Variants in CSMD1 observed in about 807,000 individuals in gnomAD.
CSMD1 encodes CUB and sushi domain-containing protein 1.
In CSMD1, 213 loss-of-function variants were observed where a neutral mutation model predicts 417.5. The observed-to-expected ratio is 0.51, with a 90% CI of 0.46 to 0.57. CSMD1 has a LOEUF of 0.57. CSMD1 is among the 20% of genes least tolerant of loss of function. The pLI, the probability that CSMD1 is intolerant of heterozygous loss-of-function variation, is 0.00. For synonymous variants in CSMD1, 2,862 were observed against 1,736.8 expected, an observed-to-expected ratio of 1.65 and a Z score of -16.11; for missense variants, 6,923 against 4,529.7, an observed-to-expected ratio of 1.53 and a Z score of -15.17.
At chr8:3,818,969 C>G (rs183999781) in intron 5 of CSMD1, among the ~76,000 whole-genome samples, 2 of 152,316 alleles carry the variant, frequency 1.3e-5, no homozygotes, top group Non-Finnish European at 1.5e-5. Context: ...AGTTGACAAA[C>G]TTCAAAAGAG....
At chr8:3,316,666 A>C (rs1225997697) in intron 23 of CSMD1, among the ~76,000 whole-genome samples, 2 of 152,096 alleles carry the variant, frequency 1.3e-5, no homozygotes, top group Non-Finnish European at 2.9e-5. Context: ...GTATATGCTG[A>C]TGCTTCCTTT....
chr8:3,477,191 A>C (rs1255238067), intron 11 of CSMD1, among the ~76,000 whole-genome samples: 1 of 152,156 alleles, frequency 6.6e-6, no homozygotes, highest in African/African-American at 2.4e-5. Context: ...ACACTAATAA[A>C]ATGTAGCACC....
intron 5 of CSMD1, among the ~76,000 whole-genome samples, chr8:3,976,116 AC>A (rs1220536093): frequency 6.6e-6 from 1 of 152,128 alleles, no homozygotes; most frequent in African/African-American, 2.4e-5. Flanking sequence ...TAGAGAAAAT[AC>A]ATTACCTATA....
At chr8:3,356,976 C>T (rs1352966620) in intron 21 of CSMD1, among the ~76,000 whole-genome samples, 5 of 152,044 alleles carry the variant, frequency 3.3e-5, no homozygotes, top group Admixed American at 6.6e-5. Context: ...AGCTGCGGCC[C>T]CTGGGGTTGG....
chr8:3,424,059 A>T (rs1389489036), intron 12 of CSMD1, among the ~76,000 whole-genome samples: 1 of 152,188 alleles, frequency 6.6e-6, no homozygotes, highest in Non-Finnish European at 1.5e-5. Context: ...CCTTTTAAAA[A>T]TTATTTGTTT....
Position 2,955,645 on chromosome 8 carries a change from T to G in CSMD1, c.9938A>C (p.Glu3313Ala), listed in dbSNP as rs1379948595. The G allele has an allele frequency of 6.2e-7, 1 of 1,613,938 alleles. No homozygotes were observed. The highest frequency in any genetic ancestry group is 2.2e-5 in the East Asian group (1 of 44,878). Residue 3313 changes from glutamate (E) to alanine (A), a missense_variant, in exon 64 of 70, where the codon GAG becomes GCG. By Grantham distance (107) the Glu-to-Ala change is moderately radical. Coordinates refer to ENST00000635120, the MANE Select transcript of CSMD1 (RefSeq NM_033225.6). ...CATGTCTGCTTTACATGTTCTGTGC[T>G]CAGATCCCCCTGCGAGGAAAAAGCC... ...HPGFFLAGGS[E>A]HRTCKADMKW...
chr8:3,039,037 C>A (rs1810891094), intron 50 of CSMD1, among the ~76,000 whole-genome samples: 2 of 152,134 alleles, frequency 1.3e-5, no homozygotes, highest in South Asian at 4.1e-4. Flanking sequence ...TGGATCTTCG[C>A]AGAAGAGATC....
chr8:3,690,252 G>T (rs961052420), intron 7 of CSMD1, among the ~76,000 whole-genome samples: 1 of 152,136 alleles, frequency 6.6e-6, no homozygotes, highest in Non-Finnish European at 1.5e-5. Context: ...CCAGCTACTT[G>T]GGAGGAGGCT....
intron 10 of CSMD1, among the ~76,000 whole-genome samples, chr8:3,567,208 C>G (rs1799750870): frequency 6.6e-6 from 1 of 151,952 alleles, no homozygotes; most frequent in African/African-American, 2.4e-5. Flanking sequence ...TCTAGGTGGG[C>G]ACCAAATGGT....
intron 1 of CSMD1, among the ~76,000 whole-genome samples, chr8:4,767,129 C>T (rs538583724): frequency 1.1e-4 from 17 of 152,190 alleles, no homozygotes; most frequent in East Asian, 7.8e-4. Context: ...TTCGACAAAG[C>T]GATGCAGTGG....
intron 1 of CSMD1, among the ~76,000 whole-genome samples, chr8:4,717,799 T>C (rs1431856846): frequency 1.3e-5 from 2 of 152,152 alleles, no homozygotes. Flanking sequence ...AGGTAGACTA[T>C]CTGACCCTTT....
intron 5 of CSMD1, among the ~76,000 whole-genome samples, chr8:3,769,130 G>C (rs1015004566): frequency 6.6e-6 from 1 of 152,184 alleles, no homozygotes; most frequent in African/African-American, 2.4e-5. Context: ...TTACTATACA[G>C]TTAAATTGAT....
chr8:4,637,508 G>A lies in CSMD1; in HGVS notation c.136C>T (p.Pro46Ser). 6.2e-7 allele frequency: 1 copy of A among 1,613,804 alleles called. No homozygotes were observed. Among genetic ancestry groups the A allele is most frequent in the Non-Finnish European group, 8.5e-7 (1 of 1,179,858 alleles). Residue 46 changes from proline (P) to serine (S), a missense_variant, in exon 2 of 70, where the codon CCA (proline) becomes TCA (serine). Pro to Ser is a moderately conservative substitution (Grantham distance 74). Coordinates refer to ENST00000635120, the MANE Select transcript of CSMD1 (RefSeq NM_033225.6). ...VQGPNGTIES[P>S]GFPHGYPNYA... ...TTCGGATACCCGTGAGGAAACCCTG[G>A]GCTCTCAATAGTGCCATTGGGACCC... is the stretch of plus-strand genomic sequence containing the variant.
chr8:4,594,882 C>A (rs2130743880), intron 2 of CSMD1, among the ~76,000 whole-genome samples: 1 of 152,234 alleles, frequency 6.6e-6, no homozygotes. Context: ...AGAGAAATGA[C>A]TCTGTAAAAG....
chr8:4,224,184 GAA>G (rs1407453431), intron 3 of CSMD1, among the ~76,000 whole-genome samples: 1 of 152,012 alleles, frequency 6.6e-6, no homozygotes, highest in African/African-American at 2.4e-5. Context: ...ATAGACAAGT[GAA>G]AGTTATGCAA....
intron 10 of CSMD1, among the ~76,000 whole-genome samples, chr8:3,517,368 TTAAG>T (rs1256458327): frequency 6.6e-6 from 1 of 152,196 alleles, no homozygotes; most frequent in East Asian, 1.9e-4. Flanking sequence ...AGTGGTGTTA[TTAAG>T]TGTTTTAAGG....
chr8:4,423,864 G>A (rs141227084), intron 2 of CSMD1, among the ~76,000 whole-genome samples: 1 of 151,990 alleles, frequency 6.6e-6, no homozygotes, highest in Non-Finnish European at 1.5e-5. Flanking sequence ...GATTGGCAAA[G>A]ACATAAACCC....
intron 59 of CSMD1, among the ~76,000 whole-genome samples, chr8:2,965,315 A>T (rs1402940929): frequency 6.6e-6 from 1 of 152,102 alleles, no homozygotes; most frequent in Non-Finnish European, 1.5e-5. Flanking sequence ...CTCGGCAACC[A>T]AACCCCATGA....
chr8:4,084,105 G>C (rs1469232984), intron 3 of CSMD1, among the ~76,000 whole-genome samples: 1 of 151,990 alleles, frequency 6.6e-6, no homozygotes. Context: ...TCTTCGGAAA[G>C]GTAAAACCAC....
Sources: allele counts gnomAD v4.1 joint callset (sites outside exome capture counted in the v4.1 genomes callset), GRCh38; gene constraint gnomAD v4.1.1; transcripts MANE v1.5; gene names NCBI Gene and HGNC (gene_info 2026-07-23, HGNC 2026-07-21).